ZNF587B: variants seen among roughly 807,000 people sequenced by gnomAD.
ZNF587B encodes the protein zinc finger protein 587B.
Under a neutral mutation model 7.2 loss-of-function variants are expected in ZNF587B, and 6 were observed. The ratio of observed to expected loss-of-function variants is 0.83; its 90% CI spans 0.46 to 1.65. ZNF587B has a LOEUF of 1.65. ZNF587B is among the 40% of genes most tolerant of loss of function. The probability of loss-of-function intolerance (pLI) is 0.01; values close to 1 mark genes in which losing one functional copy is unlikely to be tolerated. For missense variants in ZNF587B, 749 were observed against 761.0 expected (o/e 0.98, Z 0.19); for synonymous variants, 274 against 254.3 (o/e 1.08, Z -0.74).
intron 1 of ZNF587B, among the ~76,000 whole-genome samples, chr19:57,837,748 A>G (rs554058921): frequency 1.3e-5 from 2 of 151,390 alleles, no homozygotes; most frequent in African/African-American, 4.8e-5. Flanking sequence ...CCCCCGGCCT[A>G]GTTTTTTTGT....
At position 57,839,107 on chromosome 19, in the gene ZNF587B, C is replaced by T. The variant is rs757197549; in HGVS notation, c.121C>T (p.Arg41Cys). Residue 41 changes from arginine (R) to cysteine (C), a missense_variant, in exon 2 of 3, where the codon CGT becomes TGT. Arg to Cys is a radical substitution (Grantham distance 180). Coordinates refer to ENST00000594901, the MANE Select transcript of ZNF587B (RefSeq NM_001376223.1). ...TAGTGAGGCTCAGAGATGCCTGTAC[C>T]GTGATGTGACTCTGGAGAACCTGGC... ...LLSEAQRCLY[R>C]DVTLENLALM... 48 of 1,614,018 alleles carry T rather than the reference C, an allele frequency of 3.0e-5. No individual in the cohort carries two copies. The highest frequency in any genetic ancestry group is 2.2e-4 in the South Asian group (20 of 91,082).
chr19:57,841,123 G>A lies in ZNF587B; in HGVS notation c.449G>A (p.Gly150Glu), dbSNP rs1388636655. 1 of 1,614,096 alleles carries A rather than the reference G, an allele frequency of 6.2e-7. No homozygotes were observed. Among genetic ancestry groups the A allele is most frequent in the Admixed American group, 1.7e-5 (1 of 59,994 alleles). ...CACATTGGAGAGAAACCCTACAGAG[G>A]GAGTGTTGAGGAGGCGTTGTTTGTG... is the stretch of plus-strand genomic sequence containing the variant. ...NEHIGEKPYR[G>E]SVEEALFVKR... The change falls in exon 3 of 3, where the codon GGG becomes GAG. Residue 150 changes from glycine (G) to glutamate (E), a missense_variant. Coordinates refer to ENST00000594901, the MANE Select transcript of ZNF587B (RefSeq NM_001376223.1).
Position 57,841,799 on chromosome 19 carries a change from T to G in ZNF587B, c.1125T>G (p.Ile375Met). ...RKPSLSYHQR[I>M]HTEVRPYKCG... is the part of the protein sequence containing the mutation. ...CCAGCCTTAGTTACCATCAGCGCAT[T>G]CACACTGAAGTAAGACCTTACAAGT... Residue 375 changes from isoleucine (I) to methionine (M), a missense_variant, in exon 3 of 3, where the codon ATT becomes ATG. By Grantham distance (10) the Ile-to-Met change is conservative. Transcript: ENST00000594901. 1 of 1,611,148 alleles carries G rather than the reference T, an allele frequency of 6.2e-7. No individual in the cohort carries two copies.
chr19:57,830,803 T>TA (rs35720058), intron 1 of ZNF587B, among the ~76,000 whole-genome samples: 65,904 of 151,080 alleles, frequency 0.44, 14,672 homozygotes, highest in East Asian at 0.63. Context: ...TCCGTTTATT[T>TA]AAAAAAAAAT....
chr19:57,831,057 T>C (rs1264298852), intron 1 of ZNF587B, among the ~76,000 whole-genome samples: 5 of 152,176 alleles, frequency 3.3e-5, no homozygotes, highest in Non-Finnish European at 7.3e-5. Context: ...GCTTTGGGCG[T>C]TATCAATCAG....
intron 1 of ZNF587B, among the ~76,000 whole-genome samples, chr19:57,831,715 T>A (rs896764370): frequency 6.7e-6 from 1 of 150,356 alleles, no homozygotes; most frequent in Non-Finnish European, 1.5e-5. Context: ...TTTATTTTTT[T>A]TTTTTTTGAG....
At chr19:57,838,032 G>A (rs966630888) in intron 1 of ZNF587B, among the ~76,000 whole-genome samples, 13 of 152,054 alleles carry the variant, frequency 8.5e-5, no homozygotes, top group African/African-American at 1.9e-4. Context: ...AAGTTGGCTG[G>A]ACACAGTGCC....
intron 2 of ZNF587B, among the ~76,000 whole-genome samples, chr19:57,840,474 C>G (rs1028444870): frequency 6.6e-6 from 1 of 152,090 alleles, no homozygotes; most frequent in African/African-American, 2.4e-5. Context: ...TGTCCTCAAG[C>G]AGAAGCTGCT....
rs532189698 is a variant in ZNF587B at position 57,830,612 on chromosome 19, A to G, written c.36+48A>G. 3.1e-4 allele frequency: 481 copies of G among 1,543,920 alleles called. 2 individuals carry two copies. The highest frequency in any genetic ancestry group is 1.0e-3 in the Middle Eastern group (6 of 5,988). The stretch of plus-strand genomic sequence containing the variant: ...CCTCAGGTCACCTCATCATCACCCA[A>G]AAGCCTGTAGTCTTGCAAGGAAGAG... On this transcript the variant is annotated intron_variant, in intron 1 of 2. Transcript: ENST00000594901.
chr19:57,837,989 AG>A (rs1361791200), intron 1 of ZNF587B, among the ~76,000 whole-genome samples: 2 of 152,186 alleles, frequency 1.3e-5, no homozygotes, highest in Non-Finnish European at 2.9e-5. Context: ...AACCCACACT[AG>A]TAGAAGACAA....
intron 1 of ZNF587B, among the ~76,000 whole-genome samples, chr19:57,832,351 T>C (rs560391487): frequency 1.9e-4 from 29 of 152,244 alleles, no homozygotes; most frequent in East Asian, 1.2e-3. Context: ...TCCCAAAGTG[T>C]TGGGATTACA....
chr19:57,841,305 G>A lies in ZNF587B; in HGVS notation c.631G>A (p.Gly211Arg), dbSNP rs754356305. The change falls in exon 3 of 3, where the codon GGA becomes AGA. Residue 211 changes from glycine to arginine, a missense_variant. By Grantham distance (125) the Gly-to-Arg change is moderately radical. Coordinates refer to ENST00000594901, the MANE Select transcript of ZNF587B (RefSeq NM_001376223.1). The stretch of plus-strand genomic sequence containing the variant: ...GTGTGTGTCTCCCTTTCAGTGTGGG[G>A]GAGCTCACTATAGCCATGGAGATTC... ...TECVSPFQCGGAHYSHGDSMK... is the reference protein window; with the variant it reads ...TECVSPFQCGRAHYSHGDSMK... The A allele has an allele frequency of 3.1e-6, 5 of 1,613,650 alleles. No homozygotes were observed. In the Middle Eastern group the frequency reaches 6.6e-4, roughly 213 times the overall value.
In ZNF587B at chr19:57,830,447, G is replaced by A. The variant is rs532227705; in HGVS notation, c.-82G>A. 4.2e-5 allele frequency: 63 copies of A among 1,484,742 alleles called. 1 individual carries two copies. The Middle Eastern group carries it at 1.5e-3, about 36-fold the overall frequency. 92.0% of individuals were successfully genotyped at this position (1,484,742 alleles called of 1,614,324 possible). The stretch of plus-strand genomic sequence containing the variant: ...ACGGCGCCAAGCGTGACCCACCCCT[G>A]GGCCAGGATAGGGACCGTCATGCCC... On this transcript the variant is annotated 5_prime_UTR_variant, in exon 1 of 3. Transcript: ENST00000594901.
chr19:57,838,196 G>C (rs1416539375), intron 1 of ZNF587B, among the ~76,000 whole-genome samples: 2 of 151,480 alleles, frequency 1.3e-5, no homozygotes, highest in East Asian at 3.9e-4. Context: ...AATCCCAGCT[G>C]TTCAGGAGGC....
Position 57,843,550 on chromosome 19 carries a change from T to G in ZNF587B, c.*974T>G. On this transcript the variant is annotated 3_prime_UTR_variant, in exon 3 of 3. Coordinates refer to ENST00000594901, the MANE Select transcript of ZNF587B (RefSeq NM_001376223.1). ...TCTCCCATTCACGAGAGATTTTTTT[T>G]TTAAGTTTTTTGTTTGGTTGGTTGG... 1 of 984,664 alleles carries G rather than the reference T, an allele frequency of 1.0e-6. No homozygotes were observed. The highest frequency in any genetic ancestry group is 1.2e-6 in the Non-Finnish European group (1 of 829,744). 61.0% of individuals were successfully genotyped at this position (984,664 alleles called of 1,614,324 possible).
At position 57,842,203 on chromosome 19, in the gene ZNF587B, C is replaced by G. The variant is rs1300515395; in HGVS notation, c.1529C>G (p.Thr510Ser). The G allele has an allele frequency of 7.4e-6, 12 of 1,613,414 alleles. 2 individuals carry two copies. Among genetic ancestry groups the G allele is most frequent in the Admixed American group, 5.0e-5 (3 of 59,936 alleles). The part of the protein sequence containing the change: ...QKFFRHKCHL[T>S]AHQRVHTGER... Reference sequence around the variant, plus strand: ...TTTTTTAGGCACAAGTGCCACCTCACTGCACACCAGAGAGTTCACACTGGA... The same window carrying G: ...TTTTTTAGGCACAAGTGCCACCTCAGTGCACACCAGAGAGTTCACACTGGA... The change falls in exon 3 of 3, where the codon ACT becomes AGT. Residue 510 changes from threonine (T) to serine (S), a missense_variant. Around this residue, in one of 3 missense-constraint regions of ZNF587B, gnomAD observed 656 missense variants for 596.5 expected, o/e 1.10. Coordinates refer to ENST00000594901, the MANE Select transcript of ZNF587B (RefSeq NM_001376223.1).
chr19:57,832,926 CT>C (rs1988475684), intron 1 of ZNF587B, among the ~76,000 whole-genome samples: 1 of 152,130 alleles, frequency 6.6e-6, no homozygotes, highest in Non-Finnish European at 1.5e-5. Context: ...GCTGAAGTGC[CT>C]GAAACTGGGG....
intron 1 of ZNF587B, among the ~76,000 whole-genome samples, chr19:57,837,597 C>T (rs62129195): frequency 0.16 from 23,548 of 151,856 alleles, 1,920 homozygotes; most frequent in East Asian, 0.19. Flanking sequence ...TACAGGTGCC[C>T]GCCACAACAC....
Position 57,841,775 on chromosome 19 carries a change from C to A in ZNF587B, c.1101C>A (p.Pro367=). Residue 367 remains proline (P), a synonymous_variant, in exon 3 of 3, where the codon CCC becomes CCA. Coordinates refer to ENST00000594901, the MANE Select transcript of ZNF587B (RefSeq NM_001376223.1). The stretch of plus-strand genomic sequence containing the variant: ...GTGAGAAATCTTTTAGTCGGAAGCC[C>A]AGCCTTAGTTACCATCAGCGCATTC... The part of the protein sequence containing the change: ...GECEKSFSRK[P]SLSYHQRIHT... The A allele has an allele frequency of 6.2e-7, 1 of 1,609,006 alleles. No homozygotes were observed. Among genetic ancestry groups the A allele is most frequent in the South Asian group, 1.1e-5 (1 of 90,692 alleles).
Sources: allele counts gnomAD v4.1 joint callset (sites outside exome capture counted in the v4.1 genomes callset), GRCh38; gene constraint gnomAD v4.1.1; regional missense constraint gnomAD v4.1.1; transcripts MANE v1.5; gene names NCBI Gene and HGNC (gene_info 2026-07-23, HGNC 2026-07-21).